TRMT44: variants seen among roughly 807,000 people sequenced by gnomAD.
The protein encoded by TRMT44 is tRNA methyltransferase 44 homolog, also known as probable tRNA (uracil-O(2)-)-methyltransferase.
TRMT44 carries 78 observed loss-of-function variants against 77.3 expected under a neutral mutation model. The ratio of observed to expected loss-of-function variants is 1.01; its 90% confidence interval spans 0.84 to 1.22. The LOEUF is 1.22. Ranked by LOEUF, TRMT44 falls within the 50% of genes most tolerant of loss-of-function variation. The pLI is 0.00. For missense variants in TRMT44, 1,090 were observed against 964.4 expected, an observed-to-expected ratio of 1.13 and a Z score of -1.73; for synonymous variants, 391 against 383.3, an observed-to-expected ratio of 1.02 and a Z score of -0.23.
chr4:8,497,776 G>C (rs552125654), downstream of TRMT44, among the ~76,000 whole-genome samples: 3 of 152,350 alleles, frequency 2.0e-5, no homozygotes, highest in South Asian at 6.2e-4. Flanking sequence ...AGTCTCTTTA[G>C]TCTCTCTAGT....
intron 6 of TRMT44, among the ~76,000 whole-genome samples, chr4:8,457,274 A>G (rs1352263110): frequency 2.6e-5 from 4 of 152,188 alleles, no homozygotes; most frequent in African/African-American, 9.7e-5. Context: ...CCAGGTCTTG[A>G]AGGGAAAAGA....
Position 8,441,166 on chromosome 4 carries a change from A to T in TRMT44, c.344A>T (p.Glu115Val). The change falls in exon 1 of 11, where the codon GAA becomes GTA. Residue 115 changes from glutamate to valine, a missense_variant. Physicochemically the swap from Glu to Val is moderately radical, Grantham distance 121. Transcript: ENST00000389737. ...TGCCAGCAAGAGGAGGCACAGAGGG[A>T]AGCCGCCTCAGTGCCCCTGAGGGAC... ...GQCQQEEAQR[E>V]AASVPLRDSG... The T allele has an allele frequency of 6.5e-7, 1 of 1,529,426 alleles. No homozygotes were observed. Among genetic ancestry groups the T allele is most frequent in the Non-Finnish European group, 8.8e-7 (1 of 1,142,396 alleles). The allele number at this position is 1,529,426 out of a possible 1,614,324, so 94.7% of individuals were successfully genotyped here. A position where few individuals can be genotyped will look rare whatever the true frequency, so the allele number is the denominator to read the frequency against.
the TRMT44 span, chr4:8,512,509 GA>G: frequency 6.6e-6 from 1 of 152,258 alleles, no homozygotes; most frequent in Admixed American, 6.5e-5. Flanking sequence ...GTGACTCTGT[GA>G]AAATGATTAT....
rs1725083784 is a variant in TRMT44 at position 8,446,706 on chromosome 4, T to G, written c.734+116T>G. On this transcript the variant is annotated intron_variant, in intron 2 of 10. Transcript: ENST00000389737. This position sits in a 1 kb window ranked among gnomAD's most constrained non-coding sequence, Gnocchi z 4.3. ...GTCCTGTCTCTGAGGTGGTTATGGT[T>G]TGTAGGAATGCAGTTGCTAGCTTAT... 1.5e-6 allele frequency: 1 copy of G among 666,680 alleles called. No individual in the cohort carries two copies. The highest frequency in any genetic ancestry group is 1.8e-5 in the African/African-American group (1 of 54,876). 41.3% of individuals were successfully genotyped at this position (666,680 alleles called of 1,614,324 possible).
chr4:8,497,645 A>G (rs561508919), downstream of TRMT44, among the ~76,000 whole-genome samples: 1 of 152,242 alleles, frequency 6.6e-6, no homozygotes, highest in East Asian at 1.9e-4. Flanking sequence ...ACTCCATCTC[A>G]AAAACAAACA....
At chr4:8,514,211 A>C in the TRMT44 span, among the ~76,000 whole-genome samples, 1 of 151,534 alleles carries the variant, frequency 6.6e-6, no homozygotes, top group Non-Finnish European at 1.5e-5. Context: ...CAACAAGCCA[A>C]GCAGACTATG....
intron 2 of TRMT44, among the ~76,000 whole-genome samples, chr4:8,491,607 G>A (rs914349814): frequency 1.4e-4 from 22 of 152,200 alleles, no homozygotes; most frequent in East Asian, 1.4e-3. Flanking sequence ...CCGGTGGGCC[G>A]GCACTGCTGG....
rs1726742308 is a variant in TRMT44 at position 8,468,264 on chromosome 4, A to C, written c.1845A>C (p.Gln615His). The change falls in exon 9 of 11, where the codon CAA (glutamine) becomes CAC (histidine). Residue 615 changes from glutamine (Q) to histidine (H), a missense_variant. Coordinates refer to ENST00000389737, the MANE Select transcript of TRMT44 (RefSeq NM_152544.3). The stretch of plus-strand genomic sequence containing the variant: ...ATTTTATTGACCAAGTGGTTTTGCA[A>C]GTAGCGAATTTACTGTTAGGTGGAA... The part of the protein sequence containing the change: ...PRDFIDQVVL[Q>H]VANLLLGGKQ... 1 of 1,614,254 alleles carries C rather than the reference A, an allele frequency of 6.2e-7. No individual in the cohort carries two copies. The highest frequency in any genetic ancestry group is 8.5e-7 in the Non-Finnish European group (1 of 1,180,050).
chr4:8,445,722 G>A (rs2109085971), intron 1 of TRMT44, among the ~76,000 whole-genome samples: 1 of 152,286 alleles, frequency 6.6e-6, no homozygotes, highest in Non-Finnish European at 1.5e-5. Context: ...AATCCACTTA[G>A]CCCCTTCAGC....
intron 1 of TRMT44, among the ~76,000 whole-genome samples, chr4:8,443,275 C>G (rs1724866063): frequency 1.3e-5 from 2 of 152,202 alleles, no homozygotes; most frequent in African/African-American, 4.8e-5. Context: ...GCCCGTGAGG[C>G]CTTCATGTGT....
chr4:8,502,823 A>T, the TRMT44 span, among the ~76,000 whole-genome samples: 3 of 152,152 alleles, frequency 2.0e-5, no homozygotes, highest in African/African-American at 7.2e-5. Flanking sequence ...TCCCGCTTAC[A>T]CTCAGGGGAG....
chr4:8,508,273 C>T, the TRMT44 span, among the ~76,000 whole-genome samples: 42 of 152,330 alleles, frequency 2.8e-4, no homozygotes, highest in African/African-American at 9.1e-4. Flanking sequence ...TGGGCAATTT[C>T]GTATGGCTGT....
At chr4:8,492,464 G>T (rs995064795) in intron 2 of TRMT44, among the ~76,000 whole-genome samples, 9 of 152,196 alleles carry the variant, frequency 5.9e-5, no homozygotes, top group African/African-American at 2.2e-4. Flanking sequence ...TAATCTCCAA[G>T]CTGTCCTTGT....
At chr4:8,486,974 G>T (rs1209411255) in intron 2 of TRMT44, among the ~76,000 whole-genome samples, 1 of 152,190 alleles carries the variant, frequency 6.6e-6, no homozygotes, top group Non-Finnish European at 1.5e-5. Flanking sequence ...GACGCTTGGG[G>T]TTGGGACTGA....
At chr4:8,516,020 C>G in the TRMT44 span, among the ~76,000 whole-genome samples, 1 of 152,182 alleles carries the variant, frequency 6.6e-6, no homozygotes, top group Admixed American at 6.5e-5. Context: ...GGTCTCTCCC[C>G]CACGACAAGA....
intron 10 of TRMT44, among the ~76,000 whole-genome samples, chr4:8,472,334 G>A (rs867767353): frequency 1.3e-5 from 2 of 152,192 alleles, no homozygotes; most frequent in Admixed American, 1.3e-4. Flanking sequence ...AAGAGTGGGA[G>A]CTGGTCGGGT....
At chr4:8,496,988 A>G (rs572789177), downstream of TRMT44, among the ~76,000 whole-genome samples, 2 of 152,178 alleles carry the variant, frequency 1.3e-5, no homozygotes, top group Non-Finnish European at 2.9e-5. Context: ...TCACTCTAAG[A>G]AAAGTAAAAG....
At chr4:8,492,765 C>G (rs1728046449) in intron 2 of TRMT44, among the ~76,000 whole-genome samples, 1 of 152,176 alleles carries the variant, frequency 6.6e-6, no homozygotes, top group South Asian at 2.1e-4. Context: ...AAAGGCCAAT[C>G]AGAAACTCAA....
At position 8,440,832 on chromosome 4, in the gene TRMT44, G is replaced by T. The variant is rs911238388; in HGVS notation, c.10G>T (p.Val4Leu). MAEVGRTGISYPGA... is the reference protein window; with the variant it reads MAELGRTGISYPGA... ...ACACCTGCTGGCTGCCATGGCTGAG[G>T]TGGGCCGTACCGGGATCAGCTACCC... is the stretch of plus-strand genomic sequence containing the variant. Residue 4 changes from valine to leucine, a missense_variant, in exon 1 of 11, where the codon GTG (valine) becomes TTG (leucine). By Grantham distance (32) the Val-to-Leu change is conservative (BLOSUM62 1). Coordinates refer to ENST00000389737, the MANE Select transcript of TRMT44 (RefSeq NM_152544.3). 6 of 1,485,970 alleles carry T rather than the reference G, an allele frequency of 4.0e-6. No individual in the cohort carries two copies. Among genetic ancestry groups the T allele is most frequent in the Non-Finnish European group, 5.3e-6 (6 of 1,121,850 alleles). 92.0% of individuals were successfully genotyped at this position (1,485,970 alleles called of 1,614,324 possible).
Sources: allele counts gnomAD v4.1 joint callset (sites outside exome capture counted in the v4.1 genomes callset), GRCh38; gene constraint gnomAD v4.1.1; non-coding constraint Gnocchi (gnomAD v3.1); transcripts MANE v1.5; gene names NCBI Gene and HGNC (gene_info 2026-07-23, HGNC 2026-07-21).